The following RSRC1 variants were observed in gnomAD, a reference collection of about 807,000 sequenced individuals.
RSRC1 encodes serine/Arginine-related protein 53.
A neutral mutation model predicts 49.1 loss-of-function variants in RSRC1; 39 were observed. That is an observed-to-expected ratio of 0.79 (90% CI 0.61 to 1.04). The LOEUF is 1.04. Ranked by LOEUF, RSRC1 falls within the 50% of genes least tolerant of loss-of-function variation. The probability of loss-of-function intolerance (pLI) is 0.00; values close to 1 mark genes in which losing one functional copy is unlikely to be tolerated. For missense variants in RSRC1, 388 were observed against 402.4 expected, an observed-to-expected ratio of 0.96 and a Z score of 0.31; for synonymous variants, 143 against 130.8, an observed-to-expected ratio of 1.09 and a Z score of -0.63.
At chr3:158,388,918 C>CT (rs1733118214) in intron 6 of RSRC1, among the ~76,000 whole-genome samples, 1 of 152,062 alleles carries the variant, frequency 6.6e-6, no homozygotes, top group Non-Finnish European at 1.5e-5. Flanking sequence ...CCAAATTAGT[C>CT]TTTAATATGA....
At chr3:158,237,502 G>T (rs1723309097) in intron 4 of RSRC1, among the ~76,000 whole-genome samples, 1 of 152,198 alleles carries the variant, frequency 6.6e-6, no homozygotes, top group Admixed American at 6.5e-5. Context: ...ATTTGGTGTT[G>T]TCAGTCCTTT....
intron 4 of RSRC1, among the ~76,000 whole-genome samples, chr3:158,215,475 C>T (rs184395448): frequency 2.1e-4 from 32 of 151,678 alleles, no homozygotes; most frequent in South Asian, 2.1e-3. Flanking sequence ...GTTTACATGA[C>T]TCACTTTAAT....
intron 3 of RSRC1, among the ~76,000 whole-genome samples, chr3:158,194,409 T>C (rs2108267332): frequency 6.6e-6 from 1 of 152,078 alleles, no homozygotes; most frequent in Admixed American, 6.6e-5. Flanking sequence ...TTTGCTTTTA[T>C]TATATTTATA....
At chr3:158,396,387 G>A (rs142926117) in intron 6 of RSRC1, among the ~76,000 whole-genome samples, 235 of 146,506 alleles carry the variant, frequency 1.6e-3, no homozygotes, top group African/African-American at 5.9e-3. Context: ...TTGGTGATGG[G>A]CAATGTTTTT....
chr3:158,259,726 C>T (rs995065223), intron 4 of RSRC1, among the ~76,000 whole-genome samples: 7 of 151,938 alleles, frequency 4.6e-5, no homozygotes, highest in African/African-American at 1.2e-4. Context: ...GGGCCTGGAG[C>T]GAGGAACCTT....
At chr3:158,285,768 C>T (rs1726503566) in intron 4 of RSRC1, among the ~76,000 whole-genome samples, 1 of 152,034 alleles carries the variant, frequency 6.6e-6, no homozygotes, top group Non-Finnish European at 1.5e-5. Context: ...GCTGAAGTTG[C>T]TTATCAGCTT....
intron 3 of RSRC1, among the ~76,000 whole-genome samples, chr3:158,143,801 C>A (rs556195418): frequency 6.6e-6 from 1 of 152,128 alleles, no homozygotes; most frequent in East Asian, 1.9e-4. Flanking sequence ...AGGATATTAC[C>A]AAGCTATAAT....
chr3:158,515,190 T>C (rs1740443393), intron 7 of RSRC1, among the ~76,000 whole-genome samples: 2 of 152,058 alleles, frequency 1.3e-5, no homozygotes, highest in African/African-American at 4.8e-5. Context: ...TGCTCGTTAG[T>C]TGATGCAGTT....
chr3:158,241,181 C>T (rs1723555154), intron 4 of RSRC1, among the ~76,000 whole-genome samples: 2 of 152,140 alleles, frequency 1.3e-5, no homozygotes, highest in Non-Finnish European at 1.5e-5. Flanking sequence ...GGCACGGTGG[C>T]TCACGCCGGT....
At chr3:158,276,089 C>A (rs1487368955) in intron 4 of RSRC1, 5 of 884,500 alleles carry the variant, frequency 5.7e-6, no homozygotes, top group Non-Finnish European at 7.5e-6. Context: ...ACTCTTAGAG[C>A]CCCACAGTGG....
chr3:158,301,713 A>G (rs1273264738), intron 5 of RSRC1, among the ~76,000 whole-genome samples: 1 of 152,214 alleles, frequency 6.6e-6, no homozygotes. Context: ...CAATGAATAT[A>G]GTTATGTTAT....
At chr3:158,246,404 A>AC (rs1368241169) in intron 4 of RSRC1, among the ~76,000 whole-genome samples, 1 of 151,946 alleles carries the variant, frequency 6.6e-6, no homozygotes, top group Non-Finnish European at 1.5e-5. Context: ...TAATAAAAAA[A>AC]AAAAGGATAG....
At chr3:158,248,671 C>T (rs999675288) in intron 4 of RSRC1, among the ~76,000 whole-genome samples, 4 of 151,182 alleles carry the variant, frequency 2.6e-5, no homozygotes, top group African/African-American at 9.7e-5. Flanking sequence ...GATCTTGGCT[C>T]ACTGCAACCT....
At chr3:158,480,574 G>T (rs970882925) in intron 7 of RSRC1, among the ~76,000 whole-genome samples, 1 of 151,818 alleles carries the variant, frequency 6.6e-6, no homozygotes, top group Non-Finnish European at 1.5e-5. Context: ...ATCATGGCCC[G>T]CATATCAGTA....
intron 1 of RSRC1, among the ~76,000 whole-genome samples, chr3:158,110,988 AT>A (rs200114969): frequency 3.3e-5 from 5 of 152,298 alleles, no homozygotes; most frequent in African/African-American, 1.2e-4. Flanking sequence ...ACAAAAAAAT[AT>A]TTTTTTACAC....
intron 1 of RSRC1, among the ~76,000 whole-genome samples, chr3:158,118,983 C>T (rs1015776593): frequency 6.6e-6 from 1 of 151,152 alleles, no homozygotes; most frequent in Non-Finnish European, 1.5e-5. Flanking sequence ...TTTAACTTAA[C>T]TTAATCTCTT....
chr3:158,249,343 A>G (rs1053662472), intron 4 of RSRC1, among the ~76,000 whole-genome samples: 9 of 152,106 alleles, frequency 5.9e-5, no homozygotes, highest in African/African-American at 2.2e-4. Flanking sequence ...GCATTCCTAG[A>G]GCTTTCTATA....
At chr3:158,453,651 G>A (rs1737167551) in intron 6 of RSRC1, among the ~76,000 whole-genome samples, 1 of 151,958 alleles carries the variant, frequency 6.6e-6, no homozygotes, top group African/African-American at 2.4e-5. Context: ...ATACAGGTGT[G>A]AGCCACCACA....
At chr3:158,443,924 G>C (rs1310552077) in intron 6 of RSRC1, among the ~76,000 whole-genome samples, 1 of 152,108 alleles carries the variant, frequency 6.6e-6, no homozygotes, top group Non-Finnish European at 1.5e-5. Context: ...TACAGGGAGA[G>C]GGCAAGAGAC....
Sources: allele counts gnomAD v4.1 joint callset (sites outside exome capture counted in the v4.1 genomes callset), GRCh38; gene constraint gnomAD v4.1.1; transcripts MANE v1.5; gene names NCBI Gene and HGNC (gene_info 2026-07-23, HGNC 2026-07-21).